TIAM2: variants seen among roughly 807,000 people sequenced by gnomAD.
TIAM2 encodes rho guanine nucleotide exchange factor TIAM2.
A neutral mutation model predicts 152.9 loss-of-function variants in TIAM2; 80 were observed. The observed-to-expected ratio is 0.52, with a 90% CI of 0.44 to 0.63. The LOEUF (loss-of-function observed/expected upper bound fraction) is 0.63, where lower values mean the gene tolerates loss of function less well. Ranked by LOEUF, TIAM2 falls within the 30% of genes least tolerant of loss-of-function variation. The pLI, the probability that TIAM2 is intolerant of heterozygous loss-of-function variation, is 0.00. For missense variants in TIAM2, 1,965 were observed against 2,120.1 expected (o/e 0.93, Z 1.44); for synonymous variants, 804 against 838.0 (o/e 0.96, Z 0.70).
intron 7 of TIAM2, among the ~76,000 whole-genome samples, chr6:155,161,425 C>A (rs1404556932): frequency 6.6e-6 from 1 of 152,060 alleles, no homozygotes; most frequent in Non-Finnish European, 1.5e-5. Flanking sequence ...CTCAGTACTG[C>A]TTTGATGTGT....
At chr6:155,207,713 G>T (rs1424616118) in intron 14 of TIAM2, among the ~76,000 whole-genome samples, 1 of 152,186 alleles carries the variant, frequency 6.6e-6, no homozygotes, top group Non-Finnish European at 1.5e-5. Context: ...TCAAAGCTAA[G>T]CCTTTATCCT....
intron 1 of TIAM2, among the ~76,000 whole-genome samples, chr6:155,056,441 G>T (rs1198395733): frequency 6.6e-6 from 1 of 151,970 alleles, no homozygotes; most frequent in Non-Finnish European, 1.5e-5. Flanking sequence ...CAAAGTGCTG[G>T]GATTACAGGC....
intron 25 of TIAM2, 88 bp downstream of exon 25, chr6:155,254,148 T>A (rs1783854903): frequency 7.2e-7 from 1 of 1,391,132 alleles, no homozygotes; most frequent in Admixed American, 2.1e-5. Flanking sequence ...CCCTCCTGAA[T>A]TTTGATGATA....
intron 1 of TIAM2, chr6:155,005,145 A>C (rs144147929): frequency 1.3e-4 from 30 of 233,638 alleles, no homozygotes; most frequent in African/African-American, 6.6e-4. Context: ...TGGCAGCCTG[A>C]GGAGGGAGGA....
chr6:155,160,908 T>A (rs532292626), intron 7 of TIAM2, among the ~76,000 whole-genome samples: 1 of 152,242 alleles, frequency 6.6e-6, no homozygotes, highest in East Asian at 1.9e-4. Context: ...AAATGAACTT[T>A]ACAGTGTACA....
chr6:155,158,142 G>A (rs1464399378), intron 7 of TIAM2, among the ~76,000 whole-genome samples: 2 of 152,054 alleles, frequency 1.3e-5, no homozygotes, highest in African/African-American at 4.8e-5. Context: ...CTAGTAATAG[G>A]CAAATGACTA....
At chr6:155,023,267 C>G (rs762959850) in intron 1 of TIAM2, among the ~76,000 whole-genome samples, 1 of 152,064 alleles carries the variant, frequency 6.6e-6, no homozygotes, top group Admixed American at 6.6e-5. Flanking sequence ...CACCTGGCTC[C>G]CTTTAGGCCA....
intron 9 of TIAM2, among the ~76,000 whole-genome samples, chr6:155,172,687 T>TATATATATATA (rs1491511697): frequency 1.1e-3 from 15 of 13,568 alleles, no homozygotes; most frequent in Admixed American, 1.6e-3. Context: ...TATATATATA[T>TATATATATATA]TTTTTTTTTT....
At chr6:155,042,824 G>A (rs1318049082) in intron 1 of TIAM2, among the ~76,000 whole-genome samples, 3 of 152,074 alleles carry the variant, frequency 2.0e-5, no homozygotes, top group Admixed American at 2.0e-4. Flanking sequence ...CACATTGTTA[G>A]TAACTATAGT....
At position 155,155,255 on chromosome 6, in the gene TIAM2, CA is replaced by C. The variant is rs1780076765; in HGVS notation, c.2028+6923del. Among the ~76,000 whole-genome samples the C allele has an allele frequency of 2.0e-5, 3 of 150,918 alleles. No homozygotes were observed. In the South Asian group the frequency reaches 6.3e-4, roughly 32 times the overall value. Reference sequence around the variant, plus strand: ...GCAGTGGCATGGTCTTGGCTCACTGCAACCTCTGCCTCCTGAGTTCAAGTGA... The same window carrying C: ...GCAGTGGCATGGTCTTGGCTCACTGCACCTCTGCCTCCTGAGTTCAAGTGA... On this transcript the variant is annotated intron_variant, in intron 7 of 26. Transcript: ENST00000682666.
At chr6:155,092,616 G>A (rs1778330258) in intron 2 of TIAM2, among the ~76,000 whole-genome samples, 2 of 152,014 alleles carry the variant, frequency 1.3e-5, no homozygotes, top group Admixed American at 1.3e-4. Context: ...AGCACTTTGG[G>A]AGGCTGAGGC....
intron 2 of TIAM2, among the ~76,000 whole-genome samples, chr6:155,103,851 AT>A (rs1361431406): frequency 6.6e-6 from 1 of 151,286 alleles, no homozygotes; most frequent in African/African-American, 2.4e-5. Context: ...CTCCTGCACA[AT>A]TTTTCTTCCC....
intron 14 of TIAM2, among the ~76,000 whole-genome samples, chr6:155,200,838 G>A (rs1371420787): frequency 1.3e-5 from 2 of 152,160 alleles, no homozygotes; most frequent in East Asian, 3.9e-4. Context: ...AGGAGGCAGA[G>A]GTTGCATTGA....
intron 15 of TIAM2, among the ~76,000 whole-genome samples, chr6:155,219,057 C>A (rs985908939): frequency 6.6e-6 from 1 of 151,580 alleles, no homozygotes; most frequent in Non-Finnish European, 1.5e-5. Flanking sequence ...AGCCGCCCAC[C>A]CGTGTTCTTG....
intron 2 of TIAM2, among the ~76,000 whole-genome samples, chr6:155,123,625 G>C (rs10457909): frequency 0.087 from 13,192 of 152,278 alleles, 655 homozygotes; most frequent in South Asian, 0.18. Flanking sequence ...ACTTCCACCT[G>C]GGAGTGATTC....
chr6:155,087,195 C>T (rs374089327), intron 1 of TIAM2, among the ~76,000 whole-genome samples: 3 of 151,938 alleles, frequency 2.0e-5, no homozygotes, highest in Admixed American at 6.6e-5. Flanking sequence ...GCATAGAAAC[C>T]AAAAAACATG....
At position 155,148,252 on chromosome 6, in the gene TIAM2, T is replaced by C; in HGVS notation, c.1946T>C (p.Met649Thr). The part of the protein sequence containing the change: ...QTKNLLQKID[M>T]DSKMKKMAEL... ...AAAAACCTGCTTCAGAAGATAGACA[T>C]GGACAGCAAGATGAAGAAGATGGCA... The change falls in exon 7 of 27, where the codon ATG (methionine) becomes ACG (threonine). Residue 649 changes from methionine to threonine, a missense_variant. Coordinates refer to ENST00000682666, the MANE Select transcript of TIAM2 (RefSeq NM_012454.4). 8 of 1,612,730 alleles carry C rather than the reference T, an allele frequency of 5.0e-6. No homozygotes were observed. The highest frequency in any genetic ancestry group is 6.8e-6 in the Non-Finnish European group (8 of 1,180,004).
At chr6:155,053,800 A>C (rs1044623588) in intron 1 of TIAM2, among the ~76,000 whole-genome samples, 1 of 152,068 alleles carries the variant, frequency 6.6e-6, no homozygotes, top group Non-Finnish European at 1.5e-5. Context: ...TATGATTTGT[A>C]ATCCATGTTT....
At chr6:155,061,656 C>T (rs1368428378) in intron 1 of TIAM2, among the ~76,000 whole-genome samples, 1 of 152,100 alleles carries the variant, frequency 6.6e-6, no homozygotes, top group African/African-American at 2.4e-5. Context: ...TTTTAGCTTA[C>T]AGTGTCCAGT....
Sources: allele counts gnomAD v4.1 joint callset (sites outside exome capture counted in the v4.1 genomes callset), GRCh38; gene constraint gnomAD v4.1.1; transcripts MANE v1.5; gene names NCBI Gene and HGNC (gene_info 2026-07-23, HGNC 2026-07-21).